ACOX3: variants seen among roughly 807,000 people sequenced by gnomAD.
The protein encoded by ACOX3 is peroxisomal acyl-coenzyme A oxidase 3.
A neutral mutation model predicts 81.5 loss-of-function variants in ACOX3; 73 were observed. The observed-to-expected ratio is 0.90, with a 90% CI of 0.74 to 1.09. ACOX3 has a LOEUF of 1.09. Ranked by LOEUF, ACOX3 falls within the 50% of genes least tolerant of loss-of-function variation. The pLI, the probability that ACOX3 is intolerant of heterozygous loss-of-function variation, is 0.00. For missense variants in ACOX3, 947 were observed against 928.0 expected (o/e 1.02, Z -0.27); for synonymous variants, 387 against 375.1 (o/e 1.03, Z -0.37).
intron 16 of ACOX3, among the ~76,000 whole-genome samples, chr4:8,373,120 G>A (rs920503056): frequency 5.3e-5 from 8 of 152,160 alleles, no homozygotes; most frequent in Non-Finnish European, 1.2e-4. Context: ...AATTTAAATT[G>A]GAGGCTGAGT....
chr4:8,411,552 C>T (rs770280884), intron 5 of ACOX3, among the ~76,000 whole-genome samples: 7 of 152,168 alleles, frequency 4.6e-5, no homozygotes, highest in African/African-American at 9.7e-5. Flanking sequence ...CTTCAGCACG[C>T]GGCAGTTCTG....
intron 1 of ACOX3, among the ~76,000 whole-genome samples, chr4:8,425,758 G>A (rs1030766173): frequency 1.2e-4 from 18 of 151,646 alleles, no homozygotes; most frequent in African/African-American, 3.6e-4. Flanking sequence ...AGAAAAGGCC[G>A]AAGACGTAAT....
intron 11 of ACOX3, among the ~76,000 whole-genome samples, chr4:8,391,013 GTGTATATGTATATGTATGTGTATA>G (rs1203889876): frequency 1.2e-3 from 160 of 129,234 alleles, no homozygotes; most frequent in African/African-American, 4.1e-3. Flanking sequence ...GTATATGTAT[GTGTATATGTATATGTATGTGTATA>G]TGTATATGTA....
chr4:8,373,941 C>G (rs536256437), intron 15 of ACOX3: 1 of 371,770 alleles, frequency 2.7e-6, no homozygotes, highest in East Asian at 5.7e-5. Context: ...GGAGGCTGGG[C>G]GGGTTCCTTC....
At position 8,392,331 on chromosome 4, in the gene ACOX3, A is replaced by G; in HGVS notation, c.1300+2T>C. On this transcript the variant is annotated splice_donor_variant, in intron 11 of 17. Transcript: ENST00000356406. LOFTEE classifies it high-confidence loss of function. ...ACCACCATGCGCTTCTCCAAAACCT[A>G]CTGGCCAGATAGCCGTGTCCTCCAC... 9 of 1,566,116 alleles carry G rather than the reference A, an allele frequency of 5.7e-6. No individual in the cohort carries two copies. Among genetic ancestry groups the G allele is most frequent in the Non-Finnish European group, 7.8e-6 (9 of 1,158,298 alleles).
intron 14 of ACOX3, among the ~76,000 whole-genome samples, chr4:8,380,680 C>G (rs1717526881): frequency 6.6e-6 from 1 of 152,182 alleles, no homozygotes; most frequent in South Asian, 2.1e-4. Context: ...ATAGCAGCTT[C>G]ATTACTGAAG....
rs148695498 is a variant in ACOX3, at chr4:8,392,346, G to A, written c.1287C>T (p.His429=). 1.9e-4 allele frequency: 310 copies of A among 1,591,096 alleles called. No individual in the cohort carries two copies. Among genetic ancestry groups the A allele is most frequent in the Non-Finnish European group, 2.5e-4 (287 of 1,170,306 alleles). ...TCCAAAACCTACTGGCCAGATAGCC[G>A]TGTCCTCCACACGCCTCCCGGCATT... The part of the protein sequence containing the change: ...IQECREACGG[H]GYLAMNRLGV... Residue 429 remains histidine, a synonymous_variant, in exon 11 of 18, where the codon CAC becomes CAT. Coordinates refer to ENST00000356406, the MANE Select transcript of ACOX3 (RefSeq NM_003501.3).
rs1029066411 is a variant in ACOX3 at position 8,414,113 on chromosome 4, C to T, written c.543+179G>A. On this transcript the variant is annotated intron_variant, in intron 5 of 17. Coordinates refer to ENST00000356406, the MANE Select transcript of ACOX3 (RefSeq NM_003501.3). This position sits in a 1 kb window ranked among gnomAD's most constrained non-coding sequence, Gnocchi z 6.1. ...TGGGCACAGGCTTTGTCCTCCAATG[C>T]CTGATCTCCTGGGCCCCACTTTTCA... 6.6e-6 allele frequency among the ~76,000 whole-genome samples: 1 copy of T among 152,178 alleles called. No homozygotes were observed. The highest frequency in any genetic ancestry group is 2.4e-5 in the African/African-American group (1 of 41,436).
chr4:8,403,797 T>C (rs565662097), intron 7 of ACOX3, among the ~76,000 whole-genome samples: 1 of 152,298 alleles, frequency 6.6e-6, no homozygotes, highest in East Asian at 1.9e-4. Flanking sequence ...AGGGTTTCTC[T>C]GCAATGTCCC....
intron 13 of ACOX3, among the ~76,000 whole-genome samples, chr4:8,388,118 C>T (rs1408487330): frequency 1.3e-5 from 2 of 152,244 alleles, no homozygotes; most frequent in East Asian, 1.9e-4. Context: ...CTGCTGCCTC[C>T]GCCTCCTGAC....
At chr4:8,387,548 C>T (rs1043248917) in intron 13 of ACOX3, among the ~76,000 whole-genome samples, 3 of 152,186 alleles carry the variant, frequency 2.0e-5, no homozygotes, top group East Asian at 1.9e-4. Flanking sequence ...CTGAGTGAGG[C>T]GATGGCGAGA....
Position 8,419,740 on chromosome 4 carries a change from T to C in ACOX3, c.-14-3205A>G, listed in dbSNP as rs1458347775. On this transcript the variant is annotated intron_variant, in intron 1 of 17. Transcript: ENST00000356406. This position sits in a 1 kb window ranked among gnomAD's most constrained non-coding sequence, Gnocchi z 4.2. ...GTCAACGGCAATTCCCCACCTCTCA[T>C]GTTCTGGAGATGCCCATACTGAGTG... Among the ~76,000 whole-genome samples, 4 of 152,172 alleles carry C rather than the reference T, an allele frequency of 2.6e-5. No homozygotes were observed. Among genetic ancestry groups the C allele is most frequent in the Non-Finnish European group, 5.9e-5 (4 of 68,026 alleles).
chr4:8,416,296 T>G lies in ACOX3; in HGVS notation c.144+82A>C, dbSNP rs1722326026. 1 of 1,609,226 alleles carries G rather than the reference T, an allele frequency of 6.2e-7. No individual in the cohort carries two copies. Among genetic ancestry groups the G allele is most frequent in the East Asian group, 2.2e-5 (1 of 44,862 alleles). ...GCCTCGCCCGGCAGAGGAGGAGCTG[T>G]GAGAGCCAGAAATCCCATTCTGCTA... On this transcript the variant is annotated intron_variant, in intron 2 of 17. Transcript: ENST00000356406. This position sits in a 1 kb window ranked among gnomAD's most constrained non-coding sequence, Gnocchi z 4.2.
chr4:8,399,513 C>T lies in ACOX3; in HGVS notation c.873+43G>A, dbSNP rs1408127536. The T allele has an allele frequency of 6.5e-7, 1 of 1,530,256 alleles. No homozygotes were observed. The highest frequency in any genetic ancestry group is 9.0e-7 in the Non-Finnish European group (1 of 1,105,590). The allele number at this position is 1,530,256 out of a possible 1,614,324, so 94.8% of individuals were successfully genotyped here. A position where few individuals can be genotyped will look rare whatever the true frequency, so the allele number is the denominator to read the frequency against. ...CAGAGCCAGGCCCTGCAGAGGAAGG[C>T]ACCTGGGAAGCACGGCACACGAACG... On this transcript the variant is annotated intron_variant, in intron 8 of 17. Coordinates refer to ENST00000356406, the MANE Select transcript of ACOX3 (RefSeq NM_003501.3). This position sits in a 1 kb window ranked among gnomAD's most constrained non-coding sequence, Gnocchi z 4.9.
Position 8,389,822 on chromosome 4 carries a change from A to G in ACOX3, c.1301-88T>C, listed in dbSNP as rs901409286. On this transcript the variant is annotated intron_variant, in intron 11 of 17. Transcript: ENST00000356406. This position sits in a 1 kb window ranked among gnomAD's most constrained non-coding sequence, Gnocchi z 5.3. The stretch of plus-strand genomic sequence containing the variant: ...ATGTGAGAATTTAAAAAGCCTTAAG[A>G]GGCTGGGTGCGGTGGCTCACACCTG... 3.9e-6 allele frequency: 6 copies of G among 1,557,388 alleles called. No homozygotes were observed. The highest frequency in any genetic ancestry group is 2.3e-5 in the East Asian group (1 of 43,230).
Position 8,399,972 on chromosome 4 carries a change from T to C in ACOX3, c.777-320A>G, listed in dbSNP as rs1455047131. 6.6e-6 allele frequency among the ~76,000 whole-genome samples: 1 copy of C among 152,056 alleles called. No individual in the cohort carries two copies. Among genetic ancestry groups the C allele is most frequent in the Non-Finnish European group, 1.5e-5 (1 of 67,998 alleles). On this transcript the variant is annotated intron_variant, in intron 7 of 17. Transcript: ENST00000356406. The surrounding 1 kb of genome is among the most constrained non-coding windows in gnomAD (Gnocchi z 4.9). ...AATGTAGGTTAAAAAATAGGCTGGGTGTGGTGGCTTACGCCTGTAATCCCA... is the reference window on the plus strand; with the variant it reads ...AATGTAGGTTAAAAAATAGGCTGGGCGTGGTGGCTTACGCCTGTAATCCCA...
At chr4:8,367,162 A>C in intron 17 of ACOX3, 82 bp from the exon 18 acceptor site, 2 of 1,545,800 alleles carry the variant, frequency 1.3e-6, no homozygotes, top group Non-Finnish European at 8.8e-7. Flanking sequence ...TGCAAATGCA[A>C]CTCCTCAAAG....
At chr4:8,418,840 C>T (rs1171403008) in intron 1 of ACOX3, among the ~76,000 whole-genome samples, 2 of 152,088 alleles carry the variant, frequency 1.3e-5, no homozygotes, top group Non-Finnish European at 2.9e-5. Context: ...GCCTGGGCAA[C>T]AAGAATGAAA....
Position 8,386,979 on chromosome 4 carries a change from G to C in ACOX3, c.1537+2194C>G, listed in dbSNP as rs140684454. On this transcript the variant is annotated intron_variant, in intron 13 of 17. Coordinates refer to ENST00000356406, the MANE Select transcript of ACOX3 (RefSeq NM_003501.3). The surrounding 1 kb of genome is among the most constrained non-coding windows in gnomAD (Gnocchi z 5.2). The stretch of plus-strand genomic sequence containing the variant: ...TGTGCCTGTCCCCTGCATGAGGGAG[G>C]CCAGTGCTCCCTCCTCCCGAGGATC... Among the ~76,000 whole-genome samples, 244 of 152,336 alleles carry C rather than the reference G, an allele frequency of 1.6e-3. 1 individual carries two copies. The highest frequency in any genetic ancestry group is 5.5e-3 in the African/African-American group (230 of 41,586).
Sources: allele counts gnomAD v4.1 joint callset (sites outside exome capture counted in the v4.1 genomes callset), GRCh38; gene constraint gnomAD v4.1.1; non-coding constraint Gnocchi (gnomAD v3.1); transcripts MANE v1.5; gene names NCBI Gene and HGNC (gene_info 2026-07-23, HGNC 2026-07-21).